DMD: variants seen among roughly 807,000 people sequenced by gnomAD.
DMD encodes dystrophin.
Under a neutral mutation model 330.1 loss-of-function variants are expected in DMD, and 63 were observed. That is an observed-to-expected ratio of 0.19 (90% CI 0.16 to 0.24). The LOEUF is 0.24. DMD is among the 10% of genes least tolerant of loss of function. The pLI is 1.00. For missense variants in DMD, 3,344 were observed against 2,684.1 expected (o/e 1.25, Z -5.43); for synonymous variants, 1,223 against 959.8 (o/e 1.27, Z -5.07).
chrX:32,781,056 T>G (rs1287021734), intron 7 of DMD, among the ~76,000 whole-genome samples: 1 of 106,305 alleles, frequency 9.4e-6, no homozygotes, highest in East Asian at 2.9e-4. Flanking sequence ...AGGCGGAGCT[T>G]GCAGTGAGCC....
rs910030590 is a variant in DMD, at chrX:32,698,004, G to A, written c.832-6C>T. ...TGTGCTAGACTGACCGTGATCTGCA[G>A]AGAAGGGTTTGGGGGAGTGGATAGA... On this transcript the variant is annotated splice_polypyrimidine_tract_variant and splice_region_variant and intron_variant, in intron 8 of 78. Transcript: ENST00000357033. 1 of 1,186,041 alleles carries A rather than the reference G, an allele frequency of 8.4e-7. No homozygotes were observed. The highest frequency in any genetic ancestry group is 1.1e-6 in the Non-Finnish European group (1 of 883,198).
intron 55 of DMD, among the ~76,000 whole-genome samples, chrX:31,522,404 G>A (rs992130084): frequency 8.6e-5 from 7 of 81,479 alleles, no homozygotes; most frequent in Non-Finnish European, 2.3e-5. Flanking sequence ...CAGGAAGGAG[G>A]GCCTGGATTG....
intron 60 of DMD, among the ~76,000 whole-genome samples, chrX:31,365,467 G>A (rs1013081742): frequency 1.6e-4 from 18 of 111,806 alleles, no homozygotes; most frequent in Non-Finnish European, 3.4e-4. Flanking sequence ...GAGCTGCTGG[G>A]GATCATTAAT....
At chrX:32,508,978 T>C (rs2148738016) in intron 18 of DMD, among the ~76,000 whole-genome samples, 1 of 108,997 alleles carries the variant, frequency 9.2e-6, no homozygotes, top group African/African-American at 3.3e-5. Flanking sequence ...GCCCGGCTAA[T>C]TTTTTGTATT....
At chrX:31,498,666 G>A (rs1225246792) in intron 56 of DMD, among the ~76,000 whole-genome samples, 1 of 112,097 alleles carries the variant, frequency 8.9e-6, no homozygotes, top group Non-Finnish European at 1.9e-5. Context: ...AGATTTACAG[G>A]TGATTTATTT....
At chrX:32,271,059 A>G (rs750712783) in intron 43 of DMD, among the ~76,000 whole-genome samples, 1 of 111,549 alleles carries the variant, frequency 9.0e-6, no homozygotes, top group Non-Finnish European at 1.9e-5. Flanking sequence ...AAGGTACCCA[A>G]AGAAATTCCA....
intron 2 of DMD, among the ~76,000 whole-genome samples, chrX:33,009,015 C>G (rs2093483894): frequency 1.0e-5 from 1 of 96,670 alleles, no homozygotes; most frequent in Admixed American, 1.1e-4. Context: ...CACACATACA[C>G]ACGTATATAT....
chrX:31,235,440 T>C lies in DMD; in HGVS notation c.9287-12319A>G, dbSNP rs371221549. Among the ~76,000 whole-genome samples, 35 of 112,344 alleles carry C rather than the reference T, an allele frequency of 3.1e-4. No homozygotes were observed. In the South Asian group the frequency reaches 0.013, roughly 42 times the overall value. On this transcript the variant is annotated intron_variant, in intron 63 of 78. Transcript: ENST00000357033. ...CTATAGTAATACTGATAGAAATGAC[T>C]GATGTAACTAATTAGAAATAGCTTT...
intron 34 of DMD, among the ~76,000 whole-genome samples, chrX:32,369,057 T>A (rs1185692283): frequency 1.8e-5 from 2 of 110,753 alleles, no homozygotes; most frequent in Admixed American, 9.6e-5. Context: ...GCACTAAGGG[T>A]TTTTATGATA....
intron 38 of DMD, among the ~76,000 whole-genome samples, chrX:32,347,962 C>A (rs935697522): frequency 8.1e-5 from 9 of 111,424 alleles, no homozygotes; most frequent in African/African-American, 1.3e-4. Context: ...GGTAAAACAA[C>A]TTTGTGGGAA....
chrX:31,209,477 A>G (rs2044426183), intron 65 of DMD, 21 bp downstream of exon 65: 1 of 1,203,726 alleles, frequency 8.3e-7, no homozygotes, highest in African/African-American at 1.8e-5. Flanking sequence ...AGCCCGGGAA[A>G]TAAAAACATG....
At chrX:33,022,539 CATA>C (rs781330177) in intron 1 of DMD, among the ~76,000 whole-genome samples, 47 of 110,227 alleles carry the variant, frequency 4.3e-4, no homozygotes, top group African/African-American at 1.2e-3. Flanking sequence ...TTTTCTTCAA[CATA>C]ATAATTATTA....
At position 32,123,907 on chromosome X, in the gene DMD, AT is replaced by A. The variant is rs1485866279; in HGVS notation, c.6438+93008del. ...ATTGATTTCAATGTTTGAATTTTTT[AT>A]TTTATTTTCTATCTAAAACAATTCA... On this transcript the variant is annotated intron_variant, in intron 44 of 78. Transcript: ENST00000357033. Among the ~76,000 whole-genome samples the A allele has an allele frequency of 2.7e-5, 3 of 112,345 alleles. No individual in the cohort carries two copies. The East Asian group carries it at 8.4e-4, about 32-fold the overall frequency.
intron 2 of DMD, among the ~76,000 whole-genome samples, chrX:32,862,104 G>A (rs1381453371): frequency 1.8e-5 from 2 of 111,320 alleles, no homozygotes; most frequent in African/African-American, 3.3e-5. Flanking sequence ...ATTCCTTAGC[G>A]TCAAATACTT....
intron 7 of DMD, among the ~76,000 whole-genome samples, chrX:32,759,907 TA>T (rs1384086499): frequency 3.7e-5 from 4 of 107,891 alleles, no homozygotes; most frequent in Admixed American, 9.9e-5. Context: ...TTCAGGATTC[TA>T]ACAATTTTCC....
At chrX:32,703,748 A>G (rs2064345525) in intron 7 of DMD, among the ~76,000 whole-genome samples, 1 of 111,720 alleles carries the variant, frequency 9.0e-6, no homozygotes, top group African/African-American at 3.3e-5. Flanking sequence ...ATTGATGAGA[A>G]TTATGTAAGA....
At chrX:32,590,525 C>A (rs1473016043) in intron 13 of DMD, among the ~76,000 whole-genome samples, 1 of 111,549 alleles carries the variant, frequency 9.0e-6, no homozygotes, top group Admixed American at 9.5e-5. Flanking sequence ...GTGGGCACCA[C>A]CCAATCAGCT....
At position 32,538,874 on chromosome X, in the gene DMD, G is replaced by T. The variant is rs1009405715; in HGVS notation, c.2168+6285C>A. ...TGTATAAGTATCACCGAGAGTGCTT[G>T]TAAAATATTTTTGGGCCCACCAGCA... is the stretch of plus-strand genomic sequence containing the variant. On this transcript the variant is annotated intron_variant, in intron 17 of 78. Transcript: ENST00000357033. 2.7e-5 allele frequency among the ~76,000 whole-genome samples: 3 copies of T among 110,663 alleles called. No homozygotes were observed. The East Asian group carries it at 8.5e-4, about 31-fold the overall frequency.
intron 7 of DMD, among the ~76,000 whole-genome samples, chrX:32,798,207 G>A (rs1220071144): frequency 8.9e-6 from 1 of 112,146 alleles, no homozygotes; most frequent in Admixed American, 9.4e-5. Context: ...TGTTGTCTAA[G>A]TAGGTGAATT....
Sources: allele counts gnomAD v4.1 joint callset (sites outside exome capture counted in the v4.1 genomes callset), GRCh38; gene constraint gnomAD v4.1.1; transcripts MANE v1.5; gene names NCBI Gene and HGNC (gene_info 2026-07-23, HGNC 2026-07-21).